The following PAPSS2 variants were observed in gnomAD, a reference collection of about 807,000 sequenced individuals.
The protein encoded by PAPSS2 is bifunctional 3'-phosphoadenosine 5'-phosphosulfate synthase 2.
A neutral mutation model predicts 66.5 loss-of-function variants in PAPSS2; 61 were observed. The ratio of observed to expected loss-of-function variants is 0.92; its 90% CI spans 0.75 to 1.14. The LOEUF is 1.14. PAPSS2 is among the 50% of genes most tolerant of loss of function. PAPSS2 has a pLI of 0.00. For synonymous variants in PAPSS2, 289 were observed against 287.5 expected (o/e 1.01, Z -0.05); for missense variants, 708 against 789.6 (o/e 0.90, Z 1.24).
chr10:87,670,770 A>G (rs909176402), intron 1 of PAPSS2, among the ~76,000 whole-genome samples: 1 of 152,134 alleles, frequency 6.6e-6, no homozygotes, highest in South Asian at 2.1e-4. Flanking sequence ...TGTCTAAAGG[A>G]TGTGTTGTCT....
At chr10:87,660,374 G>A in intron 1 of PAPSS2, 2 of 396,940 alleles carry the variant, frequency 5.0e-6, no homozygotes, top group Non-Finnish European at 9.2e-6. Context: ...GTAGGGTCTC[G>A]GAGCAGATCG....
chr10:87,701,942 G>T (rs1020242743), intron 1 of PAPSS2, among the ~76,000 whole-genome samples: 16 of 152,156 alleles, frequency 1.1e-4, no homozygotes, highest in Admixed American at 4.6e-4. Flanking sequence ...TGGTAGCCTG[G>T]TAACTTGGTT....
intron 9 of PAPSS2, among the ~76,000 whole-genome samples, chr10:87,731,956 G>C (rs1043841691): frequency 6.6e-6 from 1 of 152,236 alleles, no homozygotes; most frequent in Non-Finnish European, 1.5e-5. Context: ...GTGGCAGCCT[G>C]TGAGAGGATT....
chr10:87,711,646 C>T (rs1853463400), intron 2 of PAPSS2, among the ~76,000 whole-genome samples: 1 of 152,204 alleles, frequency 6.6e-6, no homozygotes, highest in Non-Finnish European at 1.5e-5. Context: ...GTTCTTCATA[C>T]AGCCATTTCT....
At chr10:87,680,651 A>G (rs1853008445) in intron 1 of PAPSS2, among the ~76,000 whole-genome samples, 1 of 152,134 alleles carries the variant, frequency 6.6e-6, no homozygotes, top group Admixed American at 6.5e-5. Context: ...GTGCTACTCA[A>G]TGAATTTGTG....
chr10:87,710,485 T>A (rs184331052), intron 2 of PAPSS2, among the ~76,000 whole-genome samples: 2 of 152,242 alleles, frequency 1.3e-5, no homozygotes, highest in Admixed American at 1.3e-4. Context: ...TTCTAGAAGA[T>A]CCCCTCCTGT....
intron 1 of PAPSS2, among the ~76,000 whole-genome samples, chr10:87,662,159 C>T (rs979755957): frequency 4.6e-5 from 7 of 152,314 alleles, no homozygotes; most frequent in Middle Eastern, 6.8e-3. Flanking sequence ...GTTTACTGCA[C>T]TGTCAACAGA....
intron 11 of PAPSS2, among the ~76,000 whole-genome samples, chr10:87,744,336 A>G (rs1201713105): frequency 6.6e-6 from 1 of 152,220 alleles, no homozygotes; most frequent in East Asian, 1.9e-4. Context: ...ATCATAACAC[A>G]GTGAGCTTAT....
At chr10:87,673,526 A>C (rs1298110514) in intron 1 of PAPSS2, among the ~76,000 whole-genome samples, 2 of 151,720 alleles carry the variant, frequency 1.3e-5, no homozygotes, top group Non-Finnish European at 2.9e-5. Context: ...TTTTACTACC[A>C]GAAGGGTTAT....
intron 1 of PAPSS2, among the ~76,000 whole-genome samples, chr10:87,706,862 C>A (rs776370606): frequency 1.3e-5 from 2 of 152,208 alleles, no homozygotes. Flanking sequence ...CCTAATTTGT[C>A]CCCATTTATG....
intron 1 of PAPSS2, among the ~76,000 whole-genome samples, chr10:87,699,237 T>C (rs1303962163): frequency 2.7e-5 from 4 of 149,584 alleles, no homozygotes; most frequent in Middle Eastern, 3.5e-3. Flanking sequence ...TTTCATTATA[T>C]ATTTTAAAGG....
intron 7 of PAPSS2, among the ~76,000 whole-genome samples, chr10:87,717,153 T>G (rs3781188): frequency 0.5 from 76,266 of 151,996 alleles, 20,076 homozygotes; most frequent in East Asian, 0.71. Flanking sequence ...AGGCTGACTT[T>G]TATCTTGGTG....
intron 1 of PAPSS2, among the ~76,000 whole-genome samples, chr10:87,691,757 G>A (rs1462789089): frequency 1.3e-5 from 2 of 152,142 alleles, no homozygotes; most frequent in Non-Finnish European, 2.9e-5. Context: ...TAATGAGTGA[G>A]TAAGCACCCA....
At chr10:87,711,323 T>A (rs1448306955) in intron 2 of PAPSS2, among the ~76,000 whole-genome samples, 2 of 152,260 alleles carry the variant, frequency 1.3e-5, no homozygotes, top group African/African-American at 2.4e-5. Context: ...ATAGTTAAGT[T>A]GTCAGTAATT....
intron 1 of PAPSS2, among the ~76,000 whole-genome samples, chr10:87,670,497 C>A (rs1191337804): frequency 1.3e-5 from 2 of 152,034 alleles, no homozygotes; most frequent in African/African-American, 4.8e-5. Context: ...TTTCAGCAAT[C>A]CTGGGCTAGT....
At chr10:87,710,521 C>G (rs1379265456) in intron 2 of PAPSS2, among the ~76,000 whole-genome samples, 1 of 152,130 alleles carries the variant, frequency 6.6e-6, no homozygotes, top group Non-Finnish European at 1.5e-5. Context: ...ATGCGAAGAT[C>G]ACTGGTGAAA....
At chr10:87,682,822 C>T (rs748987339) in intron 1 of PAPSS2, among the ~76,000 whole-genome samples, 22 of 151,964 alleles carry the variant, frequency 1.4e-4, no homozygotes, top group African/African-American at 3.9e-4. Flanking sequence ...AAAACATGGG[C>T]GATTTGAGAC....
intron 9 of PAPSS2, among the ~76,000 whole-genome samples, chr10:87,727,944 G>A (rs1853680924): frequency 6.6e-6 from 1 of 152,170 alleles, no homozygotes; most frequent in Non-Finnish European, 1.5e-5. Context: ...TGGCTAGTGA[G>A]GGGGTCAATG....
intron 1 of PAPSS2, among the ~76,000 whole-genome samples, chr10:87,663,474 G>A (rs1259498312): frequency 2.0e-5 from 3 of 152,106 alleles, no homozygotes; most frequent in Non-Finnish European, 4.4e-5. Context: ...AATTCTAGAT[G>A]AGCAACTACT....
Sources: allele counts gnomAD v4.1 joint callset (sites outside exome capture counted in the v4.1 genomes callset), GRCh38; gene constraint gnomAD v4.1.1; transcripts MANE v1.5; gene names NCBI Gene and HGNC (gene_info 2026-07-23, HGNC 2026-07-21).